The following LAMC1 variants were observed in gnomAD, a reference collection of about 807,000 sequenced individuals.
LAMC1 encodes laminin subunit gamma-1.
Under a neutral mutation model 173.6 loss-of-function variants are expected in LAMC1, and 38 were observed. That is an observed-to-expected ratio of 0.22 (90% CI 0.17 to 0.29). LAMC1 has a LOEUF of 0.29. LAMC1 is among the 10% of genes least tolerant of loss of function. The pLI, the probability that LAMC1 is intolerant of heterozygous loss-of-function variation, is 1.00. For synonymous variants in LAMC1, 746 were observed against 749.1 expected (o/e 1.00, Z 0.07); for missense variants, 1,824 against 2,051.8 (o/e 0.89, Z 2.14).
intron 4 of LAMC1, among the ~76,000 whole-genome samples, chr1:183,111,855 T>C (rs377205430): frequency 2.0e-5 from 3 of 152,040 alleles, no homozygotes; most frequent in Admixed American, 2.0e-4. Flanking sequence ...GCCAACATGG[T>C]GAAACCCCGT....
intron 2 of LAMC1, among the ~76,000 whole-genome samples, chr1:183,107,604 G>A (rs1211871786): frequency 2.6e-5 from 4 of 152,226 alleles, no homozygotes; most frequent in African/African-American, 9.6e-5. Context: ...GCCGAGGCGG[G>A]TGTATCACGA....
At position 183,110,624 on chromosome 1, in the gene LAMC1, G is replaced by C. The variant is rs1248919111; in HGVS notation, c.991G>C (p.Ala331Pro). 4 of 1,613,826 alleles carry C rather than the reference G, an allele frequency of 2.5e-6. No individual in the cohort carries two copies. The Admixed American group carries it at 5.0e-5, about 20-fold the overall frequency. ...PFFNDRPWRRATAESASECLP... is the reference protein window; with the variant it reads ...PFFNDRPWRRPTAESASECLP... ...CTTCAATGACCGGCCGTGGAGGAGGGCAACTGCGGAAAGTGCCAGTGAATG... is the reference window on the plus strand; with the variant it reads ...CTTCAATGACCGGCCGTGGAGGAGGCCAACTGCGGAAAGTGCCAGTGAATG... The change falls in exon 4 of 28, where the codon GCA becomes CCA. Residue 331 changes from alanine (A) to proline (P), a missense_variant. Physicochemically the swap from Ala to Pro is conservative, Grantham distance 27. Transcript: ENST00000258341.
Position 183,124,743 on chromosome 1 carries a change from A to G in LAMC1, c.2514A>G (p.Ala838=). 6.2e-7 allele frequency: 1 copy of G among 1,614,194 alleles called. No homozygotes were observed. Among genetic ancestry groups the G allele is most frequent in the Non-Finnish European group, 8.5e-7 (1 of 1,180,036 alleles). The part of the protein sequence containing the change: ...CQCSDNIDPN[A]VGNCNRLTGE... ...GCAGTGACAACATCGATCCCAATGC[A>G]GTTGGAAATTGCAATCGCTTGACGG... is the stretch of plus-strand genomic sequence containing the variant. Residue 838 remains alanine (A), a synonymous_variant, in exon 14 of 28, where the codon GCA becomes GCG. Transcript: ENST00000258341.
intron 19 of LAMC1, among the ~76,000 whole-genome samples, chr1:183,130,764 C>T (rs1656761638): frequency 6.6e-6 from 1 of 152,214 alleles, no homozygotes; most frequent in Admixed American, 6.5e-5. Flanking sequence ...TGGGTTATTT[C>T]TCTAGCTTTG....
chr1:183,117,036 T>A, intron 8 of LAMC1, 133 bp downstream of exon 8: 2 of 943,842 alleles, frequency 2.1e-6, no homozygotes, highest in South Asian at 3.7e-5. Flanking sequence ...GCATGCATAG[T>A]TTTTGTAGTT....
chr1:183,071,287 T>G (rs954790296), intron 1 of LAMC1, among the ~76,000 whole-genome samples: 1 of 152,164 alleles, frequency 6.6e-6, no homozygotes, highest in Non-Finnish European at 1.5e-5. Context: ...AGGAAAATAC[T>G]TGATGCTGTG....
intron 2 of LAMC1, among the ~76,000 whole-genome samples, chr1:183,105,369 A>C (rs1440909808): frequency 6.6e-6 from 1 of 152,142 alleles, no homozygotes; most frequent in Admixed American, 6.5e-5. Flanking sequence ...CCTACAGCAA[A>C]TTATTGCATT....
intron 16 of LAMC1, 23 bp from the exon 17 acceptor site, chr1:183,127,203 A>G (rs1656643676): frequency 6.2e-7 from 1 of 1,607,900 alleles, no homozygotes; most frequent in Non-Finnish European, 8.5e-7. Context: ...CTAATTATGT[A>G]TTATTTTCTC....
At chr1:183,070,585 G>T (rs1461622928) in intron 1 of LAMC1, among the ~76,000 whole-genome samples, 2 of 152,146 alleles carry the variant, frequency 1.3e-5, no homozygotes, top group Non-Finnish European at 2.9e-5. Flanking sequence ...GCTCCTATTA[G>T]ATTTTTTAAC....
At chr1:183,045,963 G>T (rs1270560664) in intron 1 of LAMC1, among the ~76,000 whole-genome samples, 1 of 151,798 alleles carries the variant, frequency 6.6e-6, no homozygotes, top group Non-Finnish European at 1.5e-5. Context: ...TTCCCTTATT[G>T]ATTTGTAGAA....
At chr1:183,104,113 C>G (rs1655905707) in intron 2 of LAMC1, among the ~76,000 whole-genome samples, 1 of 152,148 alleles carries the variant, frequency 6.6e-6, no homozygotes, top group South Asian at 2.1e-4. Context: ...CATTTTTACA[C>G]AAGAAAATTT....
chr1:183,044,236 A>C (rs1654209236), intron 1 of LAMC1, among the ~76,000 whole-genome samples: 2 of 152,054 alleles, frequency 1.3e-5, no homozygotes, highest in Non-Finnish European at 2.9e-5. Flanking sequence ...CTTTGCCCAA[A>C]ATACATCATG....
At chr1:183,057,471 T>C (rs535343394) in intron 1 of LAMC1, among the ~76,000 whole-genome samples, 2 of 152,302 alleles carry the variant, frequency 1.3e-5, no homozygotes, top group East Asian at 3.9e-4. Context: ...TTTAAAAGTT[T>C]GACAGCTGGC....
At chr1:183,038,739 C>T (rs1449051064) in intron 1 of LAMC1, among the ~76,000 whole-genome samples, 1 of 152,048 alleles carries the variant, frequency 6.6e-6, no homozygotes, top group East Asian at 1.9e-4. Context: ...TCTCAAAATC[C>T]TCGACCATTT....
intron 1 of LAMC1, among the ~76,000 whole-genome samples, chr1:183,025,977 A>AC (rs1653676003): frequency 6.6e-6 from 1 of 152,188 alleles, no homozygotes; most frequent in Non-Finnish European, 1.5e-5. Flanking sequence ...CGGTAGAGTA[A>AC]CCCAGTATCA....
At chr1:183,091,956 A>T (rs970099863) in intron 1 of LAMC1, among the ~76,000 whole-genome samples, 1 of 152,214 alleles carries the variant, frequency 6.6e-6, no homozygotes, top group Non-Finnish European at 1.5e-5. Flanking sequence ...TCTAAAAATC[A>T]AGTGTGTATT....
At chr1:183,132,844 A>G (rs1011983308) in intron 21 of LAMC1, among the ~76,000 whole-genome samples, 2 of 152,210 alleles carry the variant, frequency 1.3e-5, no homozygotes, top group Non-Finnish European at 2.9e-5. Flanking sequence ...TTGAACTACA[A>G]ATCTTTAAAG....
At chr1:183,081,818 T>A (rs1285316802) in intron 1 of LAMC1, among the ~76,000 whole-genome samples, 1 of 152,168 alleles carries the variant, frequency 6.6e-6, no homozygotes, top group Non-Finnish European at 1.5e-5. Context: ...ATTCTAAGGA[T>A]TTGGACAAAT....
At chr1:183,034,560 C>T (rs990462307) in intron 1 of LAMC1, among the ~76,000 whole-genome samples, 3 of 152,136 alleles carry the variant, frequency 2.0e-5, no homozygotes, top group Non-Finnish European at 2.9e-5. Context: ...CGTGAGCCAC[C>T]GCGCCCAGCC....
Sources: gnomAD v4.1 joint callset for allele counts (sites outside exome capture counted in the v4.1 genomes callset) on GRCh38, gnomAD v4.1.1 for gene constraint, MANE v1.5 for transcripts, NCBI Gene and HGNC (gene_info 2026-07-23, HGNC 2026-07-21) for gene names.